Variants in AP3B1 observed in about 807,000 individuals in gnomAD.
AP3B1 encodes the protein adaptor related protein complex 3 subunit beta 1, also known as AP-3 complex subunit beta-1.
In AP3B1, 61 loss-of-function variants were observed where a neutral mutation model predicts 132.5. The ratio of observed to expected loss-of-function variants is 0.46; its 90% CI spans 0.37 to 0.57. The LOEUF (loss-of-function observed/expected upper bound fraction) is 0.57, where lower values mean the gene tolerates loss of function less well. Among genes scored for constraint, AP3B1 ranks in the 20% least tolerant of loss-of-function variants. The pLI, the probability that AP3B1 is intolerant of heterozygous loss-of-function variation, is 0.00. For missense variants in AP3B1, 1,120 were observed against 1,289.4 expected, an observed-to-expected ratio of 0.87 and a Z score of 2.01; for synonymous variants, 388 against 438.3, an observed-to-expected ratio of 0.89 and a Z score of 1.43.
chr5:78,219,140 T>G (rs560619808), intron 6 of AP3B1, among the ~76,000 whole-genome samples: 1 of 152,218 alleles, frequency 6.6e-6, no homozygotes, highest in South Asian at 2.1e-4. Flanking sequence ...GAGGAAATTT[T>G]ATGTCATCAA....
At chr5:78,214,182 G>A (rs1323776885) in intron 7 of AP3B1, among the ~76,000 whole-genome samples, 2 of 152,156 alleles carry the variant, frequency 1.3e-5, no homozygotes, top group South Asian at 2.1e-4. Flanking sequence ...CAGGGACAAT[G>A]ACCAGACTTC....
chr5:78,225,814 T>A (rs192554707), intron 5 of AP3B1, among the ~76,000 whole-genome samples: 1 of 152,030 alleles, frequency 6.6e-6, no homozygotes, highest in East Asian at 1.9e-4. Context: ...TCATATTAAC[T>A]AAACCAGATA....
intron 11 of AP3B1, among the ~76,000 whole-genome samples, chr5:78,173,890 T>C (rs1385576041): frequency 6.6e-6 from 1 of 152,170 alleles, no homozygotes; most frequent in Non-Finnish European, 1.5e-5. Context: ...TTCTTTTAAG[T>C]CTTTTTTCTA....
intron 25 of AP3B1, among the ~76,000 whole-genome samples, chr5:78,017,563 T>C (rs1746910741): frequency 6.6e-6 from 1 of 152,096 alleles, no homozygotes; most frequent in African/African-American, 2.4e-5. Flanking sequence ...TCTGACCATT[T>C]AAAGAATTAG....
chr5:78,051,948 TG>T (rs1036926586), intron 22 of AP3B1, among the ~76,000 whole-genome samples: 2 of 152,106 alleles, frequency 1.3e-5, no homozygotes, highest in African/African-American at 4.8e-5. Context: ...CTGTAGAAAG[TG>T]GGTCTTGATT....
intron 1 of AP3B1, among the ~76,000 whole-genome samples, chr5:78,277,490 C>G (rs35233907): frequency 0.23 from 34,291 of 151,970 alleles, 4,534 homozygotes; most frequent in Middle Eastern, 0.31. Context: ...AAGTAGTACA[C>G]AAACAATTAA....
chr5:78,119,543 G>A (rs535590407), intron 17 of AP3B1, among the ~76,000 whole-genome samples: 6 of 152,322 alleles, frequency 3.9e-5, no homozygotes, highest in East Asian at 3.9e-4. Context: ...TGTGAAGAAC[G>A]CAGAAGCCTC....
intron 6 of AP3B1, among the ~76,000 whole-genome samples, chr5:78,217,091 T>C (rs1198941793): frequency 5.9e-5 from 9 of 152,130 alleles, no homozygotes; most frequent in Non-Finnish European, 1.2e-4. Context: ...ATTAATACCA[T>C]ATTCTATCTG....
At chr5:78,070,155 C>T (rs1479916304) in intron 22 of AP3B1, among the ~76,000 whole-genome samples, 1 of 152,050 alleles carries the variant, frequency 6.6e-6, no homozygotes, top group African/African-American at 2.4e-5. Context: ...ACCTGCAATC[C>T]CAGCACTTTG....
At chr5:78,077,592 A>G (rs952828976) in intron 22 of AP3B1, among the ~76,000 whole-genome samples, 2 of 152,222 alleles carry the variant, frequency 1.3e-5, no homozygotes, top group Admixed American at 6.5e-5. Flanking sequence ...TACACATGTT[A>G]TACTTAAACC....
chr5:78,175,747 A>G, intron 10 of AP3B1, 37 bp downstream of exon 10: 2 of 1,600,750 alleles, frequency 1.2e-6, no homozygotes, highest in Non-Finnish European at 1.7e-6. Context: ...TAATGTGTTC[A>G]TGTGTCTCTT....
chr5:78,253,756 G>A (rs1212536249), intron 2 of AP3B1, among the ~76,000 whole-genome samples: 1 of 152,010 alleles, frequency 6.6e-6, no homozygotes, highest in Non-Finnish European at 1.5e-5. Flanking sequence ...CATGAAGTCA[G>A]GAGATCGAGA....
intron 17 of AP3B1, among the ~76,000 whole-genome samples, chr5:78,125,003 A>G (rs1752399764): frequency 6.6e-6 from 1 of 152,270 alleles, no homozygotes. Flanking sequence ...GTCCTTTATG[A>G]CTAAAAGACC....
At position 78,056,500 on chromosome 5, in the gene AP3B1, A is replaced by G. The variant is rs1314472450; in HGVS notation, c.2578-17226T>C. 2.0e-5 allele frequency among the ~76,000 whole-genome samples: 3 copies of G among 152,182 alleles called. No individual in the cohort carries two copies. In the East Asian group the frequency reaches 5.8e-4, roughly 29 times the overall value. On this transcript the variant is annotated intron_variant, in intron 22 of 26. Transcript: ENST00000255194. ...CGCAGGGTCCTGAGATTAAAAGTAC[A>G]TGTCAAAAAGCTGAATCACCATTGG...
At chr5:78,014,221 A>C (rs944778773) in intron 26 of AP3B1, among the ~76,000 whole-genome samples, 1 of 152,072 alleles carries the variant, frequency 6.6e-6, no homozygotes, top group Non-Finnish European at 1.5e-5. Context: ...AAAAAAAAAA[A>C]CAGTACAAGG....
chr5:78,034,282 CA>C, intron 24 of AP3B1, 78 bp downstream of exon 24: 1 of 1,095,530 alleles, frequency 9.1e-7, no homozygotes, highest in East Asian at 2.4e-5. Flanking sequence ...CACACACACA[CA>C]AAAGCTGTTG....
intron 15 of AP3B1, among the ~76,000 whole-genome samples, chr5:78,134,294 T>C (rs1016106368): frequency 6.6e-5 from 10 of 152,006 alleles, no homozygotes; most frequent in African/African-American, 2.2e-4. Context: ...TCTTAAAATA[T>C]AGTCCTAATA....
At chr5:78,112,500 T>C (rs1751638383) in intron 19 of AP3B1, among the ~76,000 whole-genome samples, 1 of 152,190 alleles carries the variant, frequency 6.6e-6, no homozygotes, top group Non-Finnish European at 1.5e-5. Context: ...ACTACAAATT[T>C]TGAGTATACT....
intron 8 of AP3B1, among the ~76,000 whole-genome samples, chr5:78,178,305 G>A (rs1744232492): frequency 6.6e-6 from 1 of 152,034 alleles, no homozygotes; most frequent in Admixed American, 6.6e-5. Flanking sequence ...CTTAAAAATG[G>A]CTTCTGGTTC....
Sources: allele counts gnomAD v4.1 joint callset (sites outside exome capture counted in the v4.1 genomes callset), GRCh38; gene constraint gnomAD v4.1.1; transcripts MANE v1.5; gene names NCBI Gene and HGNC (gene_info 2026-07-23, HGNC 2026-07-21).